The following HTT variants were observed in gnomAD, a reference collection of about 807,000 sequenced individuals.
HTT encodes huntington disease protein.
Under a neutral mutation model 362.3 loss-of-function variants are expected in HTT, and 104 were observed. That is an observed-to-expected ratio of 0.29 (90% CI 0.24 to 0.34). HTT has a LOEUF of 0.34. Ranked by LOEUF, HTT falls within the 10% of genes least tolerant of loss-of-function variation. HTT has a pLI of 1.00. For synonymous variants in HTT, 1,577 were observed against 1,548.7 expected (o/e 1.02, Z -0.43); for missense variants, 3,301 against 3,928.6 (o/e 0.84, Z 4.27).
rs891013857 is a variant in HTT, at chr4:3,199,642, C to T, written c.5369-90C>T. ...ACGTAAGTATGGGAGACGACTCAGCCTGTTTCATTTTTATGTAAAATCTTC... is the reference window on the plus strand; with the variant it reads ...ACGTAAGTATGGGAGACGACTCAGCTTGTTTCATTTTTATGTAAAATCTTC... On this transcript the variant is annotated intron_variant, in intron 40 of 66. Coordinates refer to ENST00000355072, the MANE Select transcript of HTT (RefSeq NM_001388492.1). 51 of 1,153,278 alleles carry T rather than the reference C, an allele frequency of 4.4e-5. No homozygotes were observed. In the African/African-American group the frequency reaches 7.7e-4, roughly 17 times the overall value. 71.4% of individuals were successfully genotyped at this position (1,153,278 alleles called of 1,614,324 possible). A position where few individuals can be genotyped will look rare whatever the true frequency, so the allele number is the denominator to read the frequency against.
intron 4 of HTT, among the ~76,000 whole-genome samples, chr4:3,104,984 G>A (rs1251753789): frequency 1.3e-5 from 2 of 152,090 alleles, no homozygotes; most frequent in Non-Finnish European, 2.9e-5. Flanking sequence ...CTGTGCTGTC[G>A]AATACCAGGT....
chr4:3,175,105 C>A lies in HTT; in HGVS notation c.4405C>A (p.Gln1469Lys), dbSNP rs753687423. The change falls in exon 33 of 67, where the codon CAG (glutamine) becomes AAG (lysine). Residue 1469 changes from glutamine (Q) to lysine (K), a missense_variant and splice_region_variant. Gln to Lys is a moderately conservative substitution (Grantham distance 53). Coordinates refer to ENST00000355072, the MANE Select transcript of HTT (RefSeq NM_001388492.1). ...RVNYCLLDSD[Q>K]VFIGFVLKQF... ...TAATTACTGTCTTCTGGATTCAGATCAGGTTTGTCACTTTTATCTTTCATC... is the reference window on the plus strand; with the variant it reads ...TAATTACTGTCTTCTGGATTCAGATAAGGTTTGTCACTTTTATCTTTCATC... The A allele has an allele frequency of 3.7e-6, 6 of 1,608,848 alleles. No homozygotes were observed.
chr4:3,187,182 G>T (rs1459029926), intron 38 of HTT, among the ~76,000 whole-genome samples: 1 of 150,946 alleles, frequency 6.6e-6, no homozygotes, highest in Admixed American at 6.6e-5. Flanking sequence ...TGGAGATGGA[G>T]CCTTGCTCTG....
chr4:3,235,978 G>C (rs548261379), intron 63 of HTT, among the ~76,000 whole-genome samples, 171 bp from the exon 64 acceptor site: 1 of 152,320 alleles, frequency 6.6e-6, no homozygotes, highest in African/African-American at 2.4e-5. Flanking sequence ...CCGTCCCTGT[G>C]GTCACTCATC....
In HTT at chr4:3,173,118, A is replaced by C. The variant is rs3025837; in HGVS notation, c.4153A>C (p.Asn1385His). The C allele has an allele frequency of 8.6e-3, 13,929 of 1,613,798 alleles. 636 individuals carry two copies. The African/African-American group carries it at 0.12, about 14-fold the overall frequency. Residue 1385 changes from asparagine (N) to histidine (H), a missense_variant, in exon 31 of 67, where the codon AAC becomes CAC. By Grantham distance (68) the Asn-to-His change is moderately conservative. This residue lies in a region of HTT where 2,316 missense variants were observed against 2,658.5 expected (regional missense o/e 0.87). Transcript: ENST00000355072. ...GAACATGGTGCAGGCGGAGCAGGAG[A>C]ACGACACCTCGGGGTAACAGTTGTG... ...LRNMVQAEQE[N>H]DTSGWFDVLQ...
Position 3,154,384 on chromosome 4 carries a change from C to T in HTT, c.3590C>T (p.Pro1197Leu), listed in dbSNP as rs767004706. The change falls in exon 27 of 67, where the codon CCG becomes CTG. Residue 1197 changes from proline to leucine, a missense_variant. Transcript: ENST00000355072. ...GAACCAGGAGAACAAGCATCTGTAC[C>T]GTTGAGTCCCAAGAAAGGCAGTGAG... ...EKEPGEQASV[P>L]LSPKKGSEAS... 16 of 1,613,764 alleles carry T rather than the reference C, an allele frequency of 9.9e-6. No homozygotes were observed. The highest frequency in any genetic ancestry group is 5.3e-5 in the African/African-American group (4 of 74,884).
At chr4:3,109,017 A>C (rs2110165104) in intron 6 of HTT, among the ~76,000 whole-genome samples, 1 of 151,972 alleles carries the variant, frequency 6.6e-6, no homozygotes, top group South Asian at 2.1e-4. Flanking sequence ...TTGTGCCACC[A>C]CACTCCAGCA....
rs370372155 is a variant in HTT at position 3,146,819 on chromosome 4, G to C, written c.3166G>C (p.Asp1056His). 1.6e-5 allele frequency: 26 copies of C among 1,614,102 alleles called. No individual in the cohort carries two copies. Among genetic ancestry groups the C allele is most frequent in the Non-Finnish European group, 2.1e-5 (25 of 1,180,038 alleles). ...HCGVPPLSAS[D>H]ESRKSCTVGM... ...CAGAGTGCCTCCACTGAGTGCCTCA[G>C]ATGAGTCTAGGAAGAGCTGTACCGT... The change falls in exon 25 of 67, where the codon GAT (aspartate) becomes CAT (histidine). Residue 1056 changes from aspartate to histidine, a missense_variant. By Grantham distance (81) the Asp-to-His change is moderately conservative. Coordinates refer to ENST00000355072, the MANE Select transcript of HTT (RefSeq NM_001388492.1).
intron 23 of HTT, 127 bp downstream of exon 23, chr4:3,143,013 T>C: frequency 3.1e-6 from 2 of 645,490 alleles, no homozygotes; most frequent in Non-Finnish European, 5.3e-6. Flanking sequence ...TCCATGAGGC[T>C]TGCTAAGAAA....
intron 1 of HTT, among the ~76,000 whole-genome samples, chr4:3,081,170 T>C (rs1406672534): frequency 2.6e-5 from 4 of 152,200 alleles, no homozygotes; most frequent in African/African-American, 4.8e-5. Context: ...GTAGATCAAC[T>C]TGGGGAGTAT....
intron 64 of HTT, among the ~76,000 whole-genome samples, chr4:3,236,691 A>C (rs1454670846): frequency 6.6e-6 from 1 of 152,168 alleles, no homozygotes; most frequent in Non-Finnish European, 1.5e-5. Context: ...GGTGAGGAGC[A>C]GCGGCAGGAG....
At chr4:3,133,370 G>A (rs1560562483) in intron 18 of HTT, among the ~76,000 whole-genome samples, 2 of 151,162 alleles carry the variant, frequency 1.3e-5, no homozygotes, top group Non-Finnish European at 3.0e-5. Flanking sequence ...GTGCATACCT[G>A]TAGTCTCAGC....
At chr4:3,078,427 G>A (rs147878273) in intron 1 of HTT, among the ~76,000 whole-genome samples, 60 of 152,252 alleles carry the variant, frequency 3.9e-4, no homozygotes, top group Middle Eastern at 3.4e-3. Context: ...AAGGGGATAG[G>A]GAAATGTCAG....
At chr4:3,186,754 G>A (rs766567352) in intron 38 of HTT, 35 bp downstream of exon 38, 87 of 1,608,680 alleles carry the variant, frequency 5.4e-5, no homozygotes, top group Non-Finnish European at 7.0e-5. Flanking sequence ...GATGAATCTG[G>A]ACGGCTTGTT....
In HTT at chr4:3,218,837, C is replaced by T. The variant is rs1361601731; in HGVS notation, c.7242+885C>T. On this transcript the variant is annotated intron_variant, in intron 52 of 66. Coordinates refer to ENST00000355072, the MANE Select transcript of HTT (RefSeq NM_001388492.1). The surrounding 1 kb of genome is among the most constrained non-coding windows in gnomAD (Gnocchi z 4.4). ...TCCTCAGGCAGGAAAGAAAGGCCGA[C>T]CTGGCAGGGTGTGAGCCAGCAGGTG... 2.0e-5 allele frequency among the ~76,000 whole-genome samples: 3 copies of T among 152,164 alleles called. No homozygotes were observed. The highest frequency in any genetic ancestry group is 4.4e-5 in the Non-Finnish European group (3 of 68,036).
chr4:3,229,275 C>T (rs1721094185), intron 59 of HTT, among the ~76,000 whole-genome samples: 2 of 72,846 alleles, frequency 2.7e-5, no homozygotes, highest in South Asian at 7.2e-4. Context: ...ACACATGCCA[C>T]ATGCACACAC....
chr4:3,176,252 CT>C (rs567569468), intron 33 of HTT, among the ~76,000 whole-genome samples: 3 of 152,148 alleles, frequency 2.0e-5, no homozygotes, highest in Non-Finnish European at 4.4e-5. Context: ...TGGTCTCCAT[CT>C]CCTGACCTCG....
intron 28 of HTT, among the ~76,000 whole-genome samples, chr4:3,158,502 T>C (rs1717273354): frequency 6.6e-6 from 1 of 152,204 alleles, no homozygotes; most frequent in African/African-American, 2.4e-5. Context: ...TTCAGAACTT[T>C]TTAAATTACC....
chr4:3,187,772 A>T lies in HTT; in HGVS notation c.5111A>T (p.Tyr1704Phe). 6.2e-7 allele frequency: 1 copy of T among 1,612,954 alleles called. No individual in the cohort carries two copies. The highest frequency in any genetic ancestry group is 8.5e-7 in the Non-Finnish European group (1 of 1,178,916). ...SRIQELSFSP[Y>F]LISCTVINRL... Reference sequence around the variant, plus strand: ...ATTCAGGAGCTCTCCTTCTCTCCGTATTTAATCTCCTGTACAGTAATTAAT... The same window carrying T: ...ATTCAGGAGCTCTCCTTCTCTCCGTTTTTAATCTCCTGTACAGTAATTAAT... The change falls in exon 39 of 67, where the codon TAT becomes TTT. Residue 1704 changes from tyrosine (Y) to phenylalanine (F), a missense_variant. Physicochemically the swap from Tyr to Phe is conservative, Grantham distance 22. Coordinates refer to ENST00000355072, the MANE Select transcript of HTT (RefSeq NM_001388492.1).
Sources: gnomAD v4.1 joint callset for allele counts (sites outside exome capture counted in the v4.1 genomes callset) on GRCh38, gnomAD v4.1.1 for gene constraint, gnomAD v4.1.1 regional missense constraint, Gnocchi (gnomAD v3.1) non-coding constraint, MANE v1.5 for transcripts, NCBI Gene and HGNC (gene_info 2026-07-23, HGNC 2026-07-21) for gene names.